Variants in HPSE2 observed in about 807,000 individuals in gnomAD.
HPSE2 encodes the protein heparanase 2 (inactive), also known as inactive heparanase-2.
Under a neutral mutation model 60.5 loss-of-function variants are expected in HPSE2, and 38 were observed. The ratio of observed to expected loss-of-function variants is 0.63; its 90% CI spans 0.48 to 0.82. The LOEUF is 0.82. Among genes scored for constraint, HPSE2 ranks in the 40% least tolerant of loss-of-function variants. The probability of loss-of-function intolerance (pLI) is 0.00; values close to 1 mark genes in which losing one functional copy is unlikely to be tolerated. For synonymous variants in HPSE2, 295 were observed against 293.2 expected (o/e 1.01, Z -0.06); for missense variants, 713 against 740.4 (o/e 0.96, Z 0.43).
In HPSE2 at chr10:99,177,624, A is replaced by T. The variant is rs541150946; in HGVS notation, c.449-33225T>A. Among the ~76,000 whole-genome samples, 8 of 152,306 alleles carry T rather than the reference A, an allele frequency of 5.3e-5. No individual in the cohort carries two copies. In the South Asian group the frequency reaches 1.7e-3, roughly 32 times the overall value. On this transcript the variant is annotated intron_variant, in intron 2 of 11. Transcript: ENST00000370552. ...CAGGAGCACCCAGATTCATAAAGCAAGTTCTTAGAGACCTGTAAAGAGACT... is the reference window on the plus strand; with the variant it reads ...CAGGAGCACCCAGATTCATAAAGCATGTTCTTAGAGACCTGTAAAGAGACT...
the HPSE2 span, among the ~76,000 whole-genome samples, chr10:99,244,659 C>T: frequency 2.0e-5 from 3 of 148,174 alleles, no homozygotes; most frequent in African/African-American, 7.5e-5. Context: ...AATCCTCCCA[C>T]CTTAGCCTCC....
At chr10:99,083,048 T>A (rs1843199374) in intron 3 of HPSE2, among the ~76,000 whole-genome samples, 1 of 152,180 alleles carries the variant, frequency 6.6e-6, no homozygotes, top group African/African-American at 2.4e-5. Flanking sequence ...TCTGGGGAAT[T>A]GAGAAGATGT....
intron 7 of HPSE2, among the ~76,000 whole-genome samples, chr10:98,640,756 TA>T (rs112878776): frequency 0.016 from 2,360 of 152,244 alleles, 76 homozygotes; most frequent in African/African-American, 0.054. Context: ...CAAAAGATAA[TA>T]ATATATTTTA....
chr10:98,886,045 A>G (rs1012702687), intron 3 of HPSE2, among the ~76,000 whole-genome samples: 1 of 152,124 alleles, frequency 6.6e-6, no homozygotes, highest in African/African-American at 2.4e-5. Flanking sequence ...CATCTTTTTA[A>G]AACTTTAGGA....
Position 99,167,001 on chromosome 10 carries a change from T to TG in HPSE2, c.449-22603_449-22602insC, listed in dbSNP as rs1554905816. Among the ~76,000 whole-genome samples the TG allele has an allele frequency of 8.8e-3, 1,322 of 150,220 alleles. 16 individuals carry two copies. Among genetic ancestry groups the TG allele is most frequent in the African/African-American group, 0.03 (1,239 of 40,794 alleles). ...TTTCTTTTTTTCTTTTTTCTTTCCT[T>TG]TTTGTTTGTTTGTTTGTTTGTTTGT... On this transcript the variant is annotated intron_variant, in intron 2 of 11. Coordinates refer to ENST00000370552, the MANE Select transcript of HPSE2 (RefSeq NM_021828.5).
intron 10 of HPSE2, among the ~76,000 whole-genome samples, chr10:98,489,522 G>C (rs763536666): frequency 9.2e-5 from 14 of 152,294 alleles, no homozygotes; most frequent in Admixed American, 2.0e-4. Flanking sequence ...CACTGGAAAT[G>C]GCTCTAAAGC....
chr10:98,494,454 C>T, intron 9 of HPSE2, among the ~76,000 whole-genome samples: 1 of 152,196 alleles, frequency 6.6e-6, no homozygotes. Context: ...CAGGCTATGA[C>T]CTAATGCTTG....
intron 3 of HPSE2, among the ~76,000 whole-genome samples, chr10:98,769,531 A>C (rs957883803): frequency 6.6e-6 from 1 of 152,126 alleles, no homozygotes. Flanking sequence ...TTGACTTAAA[A>C]CCATTTTGGC....
chr10:98,685,229 C>T (rs551920840), intron 6 of HPSE2, among the ~76,000 whole-genome samples: 8 of 152,274 alleles, frequency 5.3e-5, no homozygotes, highest in African/African-American at 1.9e-4. Context: ...ATCAGGCAAA[C>T]CACTAATCAG....
intron 3 of HPSE2, among the ~76,000 whole-genome samples, chr10:99,111,422 T>C (rs567336226): frequency 5.9e-4 from 90 of 152,314 alleles, no homozygotes; most frequent in African/African-American, 2.1e-3. Flanking sequence ...CTCTGCATAG[T>C]TCAAGTTATG....
chr10:98,690,486 G>C (rs1486205458), intron 6 of HPSE2, among the ~76,000 whole-genome samples: 3 of 152,168 alleles, frequency 2.0e-5, no homozygotes, highest in African/African-American at 7.2e-5. Flanking sequence ...CTTGCAGTGA[G>C]CCAAGATCGT....
the HPSE2 span, among the ~76,000 whole-genome samples, chr10:99,305,602 C>T: frequency 2.0e-5 from 3 of 152,080 alleles, no homozygotes; most frequent in Non-Finnish European, 2.9e-5. Context: ...TCTTCTGAAG[C>T]CTTGAGAGTT....
At chr10:98,618,525 CT>C (rs1299197602) in intron 8 of HPSE2, among the ~76,000 whole-genome samples, 4 of 152,082 alleles carry the variant, frequency 2.6e-5, no homozygotes, top group African/African-American at 9.7e-5. Flanking sequence ...GCTTCTCACT[CT>C]TTCAACAGGT....
chr10:98,725,677 G>C (rs1464088281), intron 4 of HPSE2, among the ~76,000 whole-genome samples: 2 of 152,088 alleles, frequency 1.3e-5, no homozygotes, highest in Non-Finnish European at 2.9e-5. Context: ...CACAGCAACA[G>C]AAACCACCAT....
intron 3 of HPSE2, among the ~76,000 whole-genome samples, chr10:99,021,756 T>C (rs1957267752): frequency 1.3e-5 from 2 of 150,992 alleles, no homozygotes; most frequent in South Asian, 4.2e-4. Context: ...CTACAGCAGC[T>C]GCAGACATCA....
At chr10:99,036,525 T>C (rs1957613815) in intron 3 of HPSE2, among the ~76,000 whole-genome samples, 1 of 152,158 alleles carries the variant, frequency 6.6e-6, no homozygotes, top group Non-Finnish European at 1.5e-5. Flanking sequence ...CCTAAGTCCT[T>C]AGTGATACAA....
chr10:99,057,619 A>G (rs1039009933), intron 3 of HPSE2, among the ~76,000 whole-genome samples: 23 of 152,206 alleles, frequency 1.5e-4, no homozygotes, highest in Non-Finnish European at 5.9e-5. Context: ...CTCCACACTC[A>G]GTTTGTCAAC....
At chr10:99,246,154 A>G in the HPSE2 span, among the ~76,000 whole-genome samples, 1 of 152,240 alleles carries the variant, frequency 6.6e-6, no homozygotes, top group Non-Finnish European at 1.5e-5. Flanking sequence ...AAAGAAAAAG[A>G]AAATAAAACA....
chr10:98,758,259 A>G (rs765695830), intron 3 of HPSE2, among the ~76,000 whole-genome samples: 4 of 151,816 alleles, frequency 2.6e-5, no homozygotes, highest in Non-Finnish European at 5.9e-5. Context: ...AGGATATAGC[A>G]TTCTGGACAT....
Sources: gnomAD v4.1 joint callset for allele counts (sites outside exome capture counted in the v4.1 genomes callset) on GRCh38, gnomAD v4.1.1 for gene constraint, MANE v1.5 for transcripts, NCBI Gene and HGNC (gene_info 2026-07-23, HGNC 2026-07-21) for gene names.